RASGRF2: variants seen among roughly 807,000 people sequenced by gnomAD.
RASGRF2 encodes Ras protein specific guanine nucleotide releasing factor 2.
RASGRF2 carries 76 observed loss-of-function variants against 151.0 expected under a neutral mutation model. That is an observed-to-expected ratio of 0.50 (90% CI 0.42 to 0.61). RASGRF2 has a LOEUF of 0.61. Among genes scored for constraint, RASGRF2 ranks in the 20% least tolerant of loss-of-function variants. The probability of loss-of-function intolerance (pLI) is 0.00; values close to 1 mark genes in which losing one functional copy is unlikely to be tolerated. For missense variants in RASGRF2, 1,148 were observed against 1,564.6 expected (o/e 0.73, Z 4.49); for synonymous variants, 504 against 566.5 (o/e 0.89, Z 1.57).
intron 1 of RASGRF2, among the ~76,000 whole-genome samples, chr5:81,026,017 T>TCCCTC (rs1750012284): frequency 1.8e-5 from 1 of 56,224 alleles, no homozygotes. Context: ...CTTCCTTCCC[T>TCCCTC]CCTTCCTTCC....
chr5:81,009,941 A>G (rs548160322), intron 1 of RASGRF2, among the ~76,000 whole-genome samples: 14 of 152,030 alleles, frequency 9.2e-5, no homozygotes, highest in Admixed American at 2.6e-4. Flanking sequence ...GGCGGATCAC[A>G]AGGTCAGGAG....
chr5:81,109,463 C>G (rs1246221444), intron 13 of RASGRF2, among the ~76,000 whole-genome samples: 1 of 152,142 alleles, frequency 6.6e-6, no homozygotes, highest in African/African-American at 2.4e-5. Context: ...TGCGAACAGC[C>G]TGGCCATCCT....
chr5:81,048,636 C>A (rs1007309503), intron 2 of RASGRF2, among the ~76,000 whole-genome samples: 2 of 152,174 alleles, frequency 1.3e-5, no homozygotes, highest in East Asian at 3.9e-4. Context: ...GCAGGTGCCC[C>A]GTCCTCATGC....
At chr5:81,004,680 C>T (rs966027556) in intron 1 of RASGRF2, among the ~76,000 whole-genome samples, 11 of 152,310 alleles carry the variant, frequency 7.2e-5, no homozygotes, top group Middle Eastern at 3.4e-3. Flanking sequence ...AGGTGGTATA[C>T]ACAGCAATTT....
chr5:81,029,123 G>T (rs1195596045), intron 1 of RASGRF2, among the ~76,000 whole-genome samples: 1 of 152,220 alleles, frequency 6.6e-6, no homozygotes, highest in Non-Finnish European at 1.5e-5. Flanking sequence ...CATTGCTGAG[G>T]CTTGAGTAGG....
intron 9 of RASGRF2, chr5:81,087,479 C>T (rs1752272304): frequency 1.6e-6 from 1 of 616,948 alleles, no homozygotes; most frequent in Non-Finnish European, 2.9e-6. Context: ...CTGATGGACA[C>T]TTGCCACGCT....
chr5:81,183,383 G>C, intron 18 of RASGRF2: 1 of 902,042 alleles, frequency 1.1e-6, no homozygotes, highest in Non-Finnish European at 1.3e-6. Context: ...TTGCAGAAGT[G>C]TGGGGTTAGG....
At chr5:81,167,382 AC>A (rs2112651000) in intron 17 of RASGRF2, among the ~76,000 whole-genome samples, 1 of 152,310 alleles carries the variant, frequency 6.6e-6, no homozygotes, top group South Asian at 2.1e-4. Flanking sequence ...GAAAAGCATC[AC>A]CAGTAGGGAC....
chr5:81,208,352 A>T lies in RASGRF2; in HGVS notation c.3072-2A>T. ...GTTTTGTGTTTTGTTTTGAACTTCC[A>T]GGGAGTTTCTTGGGCAGGGGTGGAT... On this transcript the variant is annotated splice_acceptor_variant, in intron 21 of 26. Coordinates refer to ENST00000265080, the MANE Select transcript of RASGRF2 (RefSeq NM_006909.3). LOFTEE classifies it high-confidence loss of function. 6.2e-7 allele frequency: 1 copy of T among 1,613,452 alleles called. No individual in the cohort carries two copies. Among genetic ancestry groups the T allele is most frequent in the Non-Finnish European group, 8.5e-7 (1 of 1,179,558 alleles).
At chr5:81,081,081 T>G (rs1050074716) in intron 7 of RASGRF2, among the ~76,000 whole-genome samples, 2 of 152,230 alleles carry the variant, frequency 1.3e-5, no homozygotes, top group Non-Finnish European at 2.9e-5. Context: ...CAGACCTCTT[T>G]CATGGAGTCT....
chr5:81,084,346 G>A (rs1248640390), intron 7 of RASGRF2, among the ~76,000 whole-genome samples: 2 of 152,136 alleles, frequency 1.3e-5, no homozygotes, highest in African/African-American at 2.4e-5. Context: ...TTATGCCAGC[G>A]AAAAAGATAT....
At position 81,218,033 on chromosome 5, in the gene RASGRF2, C is replaced by T. The variant is rs188457614; in HGVS notation, c.3552+560C>T. ...CTAGGATTACAGGAGTGAGCTACCG[C>T]ACCTGGCGACCAGCTAATTTTTATA... On this transcript the variant is annotated intron_variant, in intron 25 of 26. Coordinates refer to ENST00000265080, the MANE Select transcript of RASGRF2 (RefSeq NM_006909.3). 2.6e-5 allele frequency among the ~76,000 whole-genome samples: 4 copies of T among 152,186 alleles called. No homozygotes were observed. The East Asian group carries it at 7.7e-4, about 29-fold the overall frequency.
At chr5:81,001,941 G>A (rs1055758637) in intron 1 of RASGRF2, among the ~76,000 whole-genome samples, 1 of 152,150 alleles carries the variant, frequency 6.6e-6, no homozygotes, top group Non-Finnish European at 1.5e-5. Flanking sequence ...GTCCTATTGA[G>A]GGGTAACAGA....
At chr5:81,168,291 C>T (rs886695448) in intron 17 of RASGRF2, among the ~76,000 whole-genome samples, 3 of 144,916 alleles carry the variant, frequency 2.1e-5, no homozygotes, top group East Asian at 4.1e-4. Context: ...AGCATGCCAG[C>T]GTCTTTTTTT....
chr5:81,075,360 CTGCAGAGAGGCAGGGGCTGGA>C (rs1371778526), intron 5 of RASGRF2, among the ~76,000 whole-genome samples: 1 of 152,190 alleles, frequency 6.6e-6, no homozygotes, highest in Non-Finnish European at 1.5e-5. Flanking sequence ...AAGGGGCTGT[CTGCAGAGAGGCAGGGGCTGGA>C]GGGAAGTTTT....
At chr5:81,197,816 G>T (rs1301079101) in intron 18 of RASGRF2, among the ~76,000 whole-genome samples, 1 of 152,214 alleles carries the variant, frequency 6.6e-6, no homozygotes, top group African/African-American at 2.4e-5. Context: ...TAGTCTATCA[G>T]AGTAAGATCC....
intron 1 of RASGRF2, among the ~76,000 whole-genome samples, chr5:80,991,395 A>C (rs56075878): frequency 6.6e-6 from 1 of 151,986 alleles, no homozygotes; most frequent in Non-Finnish European, 1.5e-5. Flanking sequence ...ACTGCACTCC[A>C]ACCTAAGTGA....
intron 1 of RASGRF2, among the ~76,000 whole-genome samples, chr5:80,975,922 C>CAGCTCAACA (rs372232279): frequency 6.6e-6 from 1 of 150,666 alleles, no homozygotes; most frequent in Admixed American, 6.6e-5. Flanking sequence ...GGCACGATCT[C>CAGCTCAACA]CAACCTCCGC....
chr5:80,980,939 C>T (rs768773233), intron 1 of RASGRF2, among the ~76,000 whole-genome samples: 10 of 152,102 alleles, frequency 6.6e-5, no homozygotes, highest in East Asian at 1.9e-4. Flanking sequence ...CCCTGCCTGC[C>T]GGTTCTCAGA....
Sources: gnomAD v4.1 joint callset for allele counts (sites outside exome capture counted in the v4.1 genomes callset) on GRCh38, gnomAD v4.1.1 for gene constraint, MANE v1.5 for transcripts, NCBI Gene and HGNC (gene_info 2026-07-23, HGNC 2026-07-21) for gene names.